Variants in MYO5A observed in about 807,000 individuals in gnomAD.
MYO5A encodes the protein unconventional myosin-Va.
Under a neutral mutation model 249.7 loss-of-function variants are expected in MYO5A, and 98 were observed. That is an observed-to-expected ratio of 0.39 (90% CI 0.33 to 0.46). The LOEUF (loss-of-function observed/expected upper bound fraction) is 0.46. Among genes scored for constraint, MYO5A ranks in the 20% least tolerant of loss-of-function variants. The pLI, the probability that MYO5A is intolerant of heterozygous loss-of-function variation, is 0.98. For missense variants in MYO5A, 1,696 were observed against 2,308.8 expected, an observed-to-expected ratio of 0.73 and a Z score of 5.44; for synonymous variants, 778 against 810.6, an observed-to-expected ratio of 0.96 and a Z score of 0.68.
At chr15:52,438,938 C>T (rs1454921848) in intron 1 of MYO5A, among the ~76,000 whole-genome samples, 1 of 152,258 alleles carries the variant, frequency 6.6e-6, no homozygotes, top group East Asian at 1.9e-4. Flanking sequence ...GTCTGCTGTA[C>T]TCCTGATCCA....
intron 1 of MYO5A, among the ~76,000 whole-genome samples, chr15:52,471,952 G>C (rs1024687023): frequency 6.6e-6 from 1 of 151,980 alleles, no homozygotes; most frequent in South Asian, 2.1e-4. Flanking sequence ...TCCTGCCTCG[G>C]CCTCTTAAAG....
At position 52,309,282 on chromosome 15, in the gene MYO5A, A is replaced by G. The variant is rs2037707861; in HGVS notation, c.*4414T>C. On this transcript the variant is annotated 3_prime_UTR_variant, in exon 42 of 42. Coordinates refer to ENST00000399233, the MANE Select transcript of MYO5A (RefSeq NM_001382347.1). ...CCAGAGAGCACTGATTCATGACAGA[A>G]GTCAAGCTGAGTTATAGCAAGTAAC... The G allele has an allele frequency of 6.6e-6, 1 of 152,266 alleles. No individual in the cohort carries two copies. The highest frequency in any genetic ancestry group is 1.5e-5 in the Non-Finnish European group (1 of 68,044). 9.4% of individuals were successfully genotyped at this position (152,266 alleles called of 1,614,324 possible). A position where few individuals can be genotyped will look rare whatever the true frequency, so the allele number is the denominator to read the frequency against.
chr15:52,387,758 A>C, intron 14 of MYO5A, 71 bp downstream of exon 14: 1 of 1,212,352 alleles, frequency 8.2e-7, no homozygotes, highest in Non-Finnish European at 1.2e-6. Context: ...TTGTTAAAAA[A>C]ATCATTTTTA....
At chr15:52,439,910 T>C (rs963676580) in intron 1 of MYO5A, among the ~76,000 whole-genome samples, 4 of 152,182 alleles carry the variant, frequency 2.6e-5, no homozygotes, top group African/African-American at 9.7e-5. Flanking sequence ...AATGAACCAC[T>C]TGACAAAAAA....
At chr15:52,374,576 A>G (rs1014534993) in intron 20 of MYO5A, among the ~76,000 whole-genome samples, 1 of 152,250 alleles carries the variant, frequency 6.6e-6, no homozygotes, top group African/African-American at 2.4e-5. Flanking sequence ...TATTCTTATA[A>G]GAGGCAGATA....
intron 1 of MYO5A, among the ~76,000 whole-genome samples, chr15:52,440,644 T>C (rs988806323): frequency 1.3e-5 from 2 of 152,216 alleles, no homozygotes; most frequent in African/African-American, 4.8e-5. Context: ...GATGACTCAC[T>C]GGAAGTTTTG....
intron 16 of MYO5A, 112 bp downstream of exon 16, chr15:52,382,978 AC>A: frequency 1.1e-6 from 1 of 906,084 alleles, no homozygotes; most frequent in Non-Finnish European, 1.8e-6. Context: ...ATGAAGACTT[AC>A]CCAAATATTT....
intron 1 of MYO5A, among the ~76,000 whole-genome samples, chr15:52,483,011 A>C (rs1044518590): frequency 2.6e-5 from 4 of 152,246 alleles, no homozygotes; most frequent in Non-Finnish European, 5.9e-5. Context: ...AGAAGAGCTA[A>C]GTCACATAGA....
chr15:52,402,314 G>T (rs868138376), intron 9 of MYO5A, among the ~76,000 whole-genome samples: 1 of 152,164 alleles, frequency 6.6e-6, no homozygotes, highest in Non-Finnish European at 1.5e-5. Context: ...TGTGGGTCAG[G>T]TTAAGTTTTC....
intron 35 of MYO5A, among the ~76,000 whole-genome samples, chr15:52,330,023 G>A (rs1567024759): frequency 1.3e-5 from 2 of 149,534 alleles, no homozygotes; most frequent in African/African-American, 5.0e-5. Flanking sequence ...ACATTGCCAG[G>A]CTCTTCTCTC....
At chr15:52,317,747 C>T (rs781361855) in intron 39 of MYO5A, among the ~76,000 whole-genome samples, 6 of 152,076 alleles carry the variant, frequency 3.9e-5, no homozygotes, top group Non-Finnish European at 7.4e-5. Flanking sequence ...GAGAAAGCTC[C>T]GGGATGAAAG....
intron 11 of MYO5A, among the ~76,000 whole-genome samples, chr15:52,394,401 A>AT (rs2042392040): frequency 1.3e-5 from 2 of 152,242 alleles, no homozygotes; most frequent in Non-Finnish European, 2.9e-5. Flanking sequence ...AATGAATGGG[A>AT]GATAAGCAAG....
At chr15:52,449,426 C>T (rs2075967669) in intron 1 of MYO5A, among the ~76,000 whole-genome samples, 1 of 152,116 alleles carries the variant, frequency 6.6e-6, no homozygotes, top group Non-Finnish European at 1.5e-5. Flanking sequence ...CTGGTTTCTC[C>T]ATATCTATCT....
chr15:52,430,449 A>G (rs1360430465), intron 2 of MYO5A, among the ~76,000 whole-genome samples: 3 of 152,228 alleles, frequency 2.0e-5, no homozygotes, highest in African/African-American at 7.2e-5. Flanking sequence ...TAGGCTTTAA[A>G]TGGACATAAA....
At chr15:52,423,772 T>C (rs2075336681) in intron 4 of MYO5A, among the ~76,000 whole-genome samples, 1 of 152,014 alleles carries the variant, frequency 6.6e-6, no homozygotes, top group South Asian at 2.1e-4. Context: ...AAAACAACCC[T>C]TCAGTTAAGA....
In MYO5A at chr15:52,346,363, A is replaced by G; in HGVS notation, c.3957T>C (p.Asn1319=). The change falls in exon 30 of 42, where the codon AAT becomes AAC. Residue 1319 remains asparagine (N), a splice_region_variant and synonymous_variant. Transcript: ENST00000399233. ...GAATAAAAGAAGGATCAACTTACCT[A>G]TTTGTTTCTTTCAAACCAATGTATG... ...AQAYIGLKET[N]RSSALDYHEL... is the part of the protein sequence containing the mutation. 1.3e-6 allele frequency: 2 copies of G among 1,566,716 alleles called. No individual in the cohort carries two copies. Among genetic ancestry groups the G allele is most frequent in the Non-Finnish European group, 1.8e-6 (2 of 1,138,596 alleles).
chr15:52,375,174 AT>A, intron 20 of MYO5A, 129 bp downstream of exon 20: 1 of 899,058 alleles, frequency 1.1e-6, no homozygotes, highest in East Asian at 2.7e-5. Context: ...ATAAATAAAT[AT>A]GCATTTCAAT....
chr15:52,484,540 T>G (rs1416579660), intron 1 of MYO5A, among the ~76,000 whole-genome samples: 1 of 152,358 alleles, frequency 6.6e-6, no homozygotes, highest in Non-Finnish European at 1.5e-5. Context: ...AAGTGATCAT[T>G]ATATGAAATG....
In MYO5A at chr15:52,487,419, AT is replaced by A. The variant is rs1175220744; in HGVS notation, c.27+41360del. Among the ~76,000 whole-genome samples the A allele has an allele frequency of 2.9e-5, 4 of 138,814 alleles. 1 individual carries two copies. The highest frequency in any genetic ancestry group is 7.8e-5 in the African/African-American group (3 of 38,540). The allele number at this position is 138,814 out of a possible 152,430, so 91.1% of individuals were successfully genotyped here. ...CAACAGAGCAGACCCTGTCCCAAAA[AT>A]TAAAAAAAAATTAAAAATAAGGGCC... is the stretch of plus-strand genomic sequence containing the variant. On this transcript the variant is annotated intron_variant, in intron 1 of 41. Coordinates refer to ENST00000399233, the MANE Select transcript of MYO5A (RefSeq NM_001382347.1).
Sources: gnomAD v4.1 joint callset for allele counts (sites outside exome capture counted in the v4.1 genomes callset) on GRCh38, gnomAD v4.1.1 for gene constraint, MANE v1.5 for transcripts, NCBI Gene and HGNC (gene_info 2026-07-23, HGNC 2026-07-21) for gene names.